Variants in CCDC197 observed in about 807,000 individuals in gnomAD.
CCDC197 encodes coiled-coil domain containing 197, also known as uncharacterized protein CCDC197.
In CCDC197, 24 loss-of-function variants were observed where a neutral mutation model predicts 13.4. That is an observed-to-expected ratio of 1.80 (90% CI 1.30 to 2.53). The LOEUF is 2.53. Ranked by LOEUF, CCDC197 falls within the 30% of genes most tolerant of loss-of-function variation. The probability of loss-of-function intolerance (pLI) is 0.00; values close to 1 mark genes in which losing one functional copy is unlikely to be tolerated. For synonymous variants in CCDC197, 99 were observed against 55.5 expected, an observed-to-expected ratio of 1.78 and a Z score of -3.48; for missense variants, 255 against 148.8, an observed-to-expected ratio of 1.71 and a Z score of -3.71.
At chr14:93,992,490 G>T (rs749719662), upstream of CCDC197, among the ~76,000 whole-genome samples, 2 of 152,180 alleles carry the variant, frequency 1.3e-5, no homozygotes, top group South Asian at 2.1e-4. Flanking sequence ...GAAGGTGATG[G>T]TTCTGGGACA....
At chr14:93,992,324 A>G (rs557687411), upstream of CCDC197, among the ~76,000 whole-genome samples, 2 of 152,174 alleles carry the variant, frequency 1.3e-5, no homozygotes, top group East Asian at 3.9e-4. Context: ...GATTCCAGAG[A>G]CTTTGGAGGC....
chr14:94,007,388 C>G (rs1211144228), intron 6 of CCDC197: 1 of 152,090 alleles, frequency 6.6e-6, no homozygotes, highest in East Asian at 1.9e-4. Context: ...TCTATTTTTC[C>G]CCTTTGAGTT....
chr14:93,991,036 A>G (rs778827413), intron 1 of CCDC197, among the ~76,000 whole-genome samples: 15 of 152,174 alleles, frequency 9.9e-5, no homozygotes, highest in Non-Finnish European at 1.3e-4. Flanking sequence ...ACCTGCCATT[A>G]GTGTTCTTTT....
At chr14:93,993,181 G>A (rs1487786849), upstream of CCDC197, among the ~76,000 whole-genome samples, 1 of 152,170 alleles carries the variant, frequency 6.6e-6, no homozygotes, top group Non-Finnish European at 1.5e-5. Flanking sequence ...TGGAGGGGGA[G>A]AGAAGAGGTG....
At position 94,001,187 on chromosome 14, in the gene CCDC197, C is replaced by T; in HGVS notation, c.230C>T (p.Ala77Val). The T allele has an allele frequency of 1.3e-6, 1 of 780,636 alleles. No homozygotes were observed. Among genetic ancestry groups the T allele is most frequent in the East Asian group, 2.4e-5 (1 of 41,228 alleles). The allele number at this position is 780,636 out of a possible 1,614,324, so 48.4% of individuals were successfully genotyped here. A position where few individuals can be genotyped will look rare whatever the true frequency, so the allele number is the denominator to read the frequency against. ...GAGCCGGAGGAGGTGCTGGTGGAGG[C>T]CACGGTGAAGCACTACGGGAAGCTC... ...WEEPEEVLVE[A>V]TVKHYGKLFT... The change falls in exon 4 of 7, where the codon GCC (alanine) becomes GTC (valine). Residue 77 changes from alanine (A) to valine (V), a missense_variant. Coordinates refer to ENST00000636493, the MANE Select transcript of CCDC197 (RefSeq NM_001351596.2).
intron 4 of CCDC197, among the ~76,000 whole-genome samples, chr14:94,002,232 CTCTT>C (rs1048534648): frequency 3.9e-5 from 6 of 152,140 alleles, no homozygotes; most frequent in African/African-American, 1.2e-4. Context: ...CTTTCTCTCT[CTCTT>C]TCTTTCTTTC....
intron 6 of CCDC197, among the ~76,000 whole-genome samples, chr14:94,008,115 T>C (rs1034190642): frequency 9.0e-6 from 1 of 111,402 alleles, no homozygotes; most frequent in African/African-American, 4.5e-5. Context: ...GGGAAGAAAT[T>C]ATGTGGTGAT....
At chr14:94,001,915 T>C (rs1890525358) in intron 4 of CCDC197, among the ~76,000 whole-genome samples, 1 of 152,186 alleles carries the variant, frequency 6.6e-6, no homozygotes. Context: ...AGCCGGTTGG[T>C]TCACTGCAAA....
chr14:93,996,891 T>G (rs1890330225), upstream of CCDC197, among the ~76,000 whole-genome samples: 1 of 152,148 alleles, frequency 6.6e-6, no homozygotes, highest in South Asian at 2.1e-4. Context: ...TCCTTCAGCT[T>G]GCTCCCACCC....
chr14:94,000,473 C>T (rs1050213099), intron 3 of CCDC197, among the ~76,000 whole-genome samples: 21 of 152,068 alleles, frequency 1.4e-4, no homozygotes, highest in African/African-American at 4.3e-4. Flanking sequence ...CTGGAGGAGG[C>T]GACCTCTCAT....
At chr14:93,998,338 G>T in intron 2 of CCDC197, 103 bp downstream of exon 2, 1 of 692,046 alleles carries the variant, frequency 1.4e-6, no homozygotes. Context: ...CCAGGACAGG[G>T]GGTGGATGAG....
rs929129603 is a variant in CCDC197 at position 93,997,574 on chromosome 14, A to T, written c.-134+3A>T. ...TTCTCAGTCTCCACTGTAGCTCTGTAAGACCTGTATGAGCTCAGAGCATGT... is the reference window on the plus strand; with the variant it reads ...TTCTCAGTCTCCACTGTAGCTCTGTTAGACCTGTATGAGCTCAGAGCATGT... On this transcript the variant is annotated splice_donor_region_variant and intron_variant, in intron 1 of 6. Transcript: ENST00000636493. 6.5e-6 allele frequency: 1 copy of T among 153,640 alleles called. No individual in the cohort carries two copies. The highest frequency in any genetic ancestry group is 2.0e-4 in the South Asian group (1 of 4,920). The allele number at this position is 153,640 out of a possible 1,614,324, so 9.5% of individuals were successfully genotyped here.
At chr14:93,994,238 T>C (rs1235203453), upstream of CCDC197, among the ~76,000 whole-genome samples, 1 of 152,216 alleles carries the variant, frequency 6.6e-6, no homozygotes, top group Admixed American at 6.5e-5. Flanking sequence ...TGCTATTGCA[T>C]CTTGAAGTTC....
chr14:94,005,092 C>T lies in CCDC197; in HGVS notation c.615+121C>T. ...TTAGCCCCCCATCAGCTCTTCTTTC[C>T]ATAGCTACATTGGTGCCTGGTGCAG... is the stretch of plus-strand genomic sequence containing the variant. On this transcript the variant is annotated intron_variant, in intron 6 of 6. Transcript: ENST00000636493. 9.8e-6 allele frequency: 6 copies of T among 612,228 alleles called. No individual in the cohort carries two copies. In the South Asian group the frequency reaches 1.2e-4, roughly 12 times the overall value. The allele number at this position is 612,228 out of a possible 1,614,324, so 37.9% of individuals were successfully genotyped here.
At chr14:93,987,983 G>GT (rs1326224247) in intron 1 of CCDC197, among the ~76,000 whole-genome samples, 2 of 137,112 alleles carry the variant, frequency 1.5e-5, no homozygotes, top group Admixed American at 1.5e-4. Context: ...GGGAGAAACA[G>GT]TAGGGAGGTG....
downstream of CCDC197, among the ~76,000 whole-genome samples, chr14:94,011,560 T>C (rs1306825001): frequency 6.6e-6 from 1 of 152,240 alleles, no homozygotes; most frequent in Non-Finnish European, 1.5e-5. Flanking sequence ...TTTCTTGGCT[T>C]TTTGTCTTAC....
chr14:94,001,562 G>A (rs967382192), intron 4 of CCDC197: 38 of 400,214 alleles, frequency 9.5e-5, no homozygotes, highest in Admixed American at 1.8e-4. Flanking sequence ...CATGTGTCCT[G>A]GATGCAGAGG....
At chr14:93,997,824 C>T (rs376578922) in intron 1 of CCDC197, among the ~76,000 whole-genome samples, 175 bp from the exon 2 acceptor site, 5 of 152,148 alleles carry the variant, frequency 3.3e-5, no homozygotes, top group Admixed American at 1.3e-4. Flanking sequence ...GTTATAGGGC[C>T]GCAAGTGAAA....
At chr14:94,009,445 G>A (rs1029640752), downstream of CCDC197, among the ~76,000 whole-genome samples, 3 of 152,102 alleles carry the variant, frequency 2.0e-5, no homozygotes, top group Non-Finnish European at 4.4e-5. Flanking sequence ...TTGGGAGAGA[G>A]TGTCGGACAC....
Sources: gnomAD v4.1 joint callset for allele counts (sites outside exome capture counted in the v4.1 genomes callset) on GRCh38, gnomAD v4.1.1 for gene constraint, MANE v1.5 for transcripts, NCBI Gene and HGNC (gene_info 2026-07-23, HGNC 2026-07-21) for gene names.